The following GPR55 variants were observed in gnomAD, a reference collection of about 807,000 sequenced individuals.
The protein encoded by GPR55 is G-protein coupled receptor 55.
GPR55 carries 6 observed loss-of-function variants against 7.9 expected under a neutral mutation model. That is an observed-to-expected ratio of 0.76 (90% CI 0.41 to 1.49). The LOEUF is 1.49. GPR55 is among the 40% of genes most tolerant of loss of function. The pLI, the probability that GPR55 is intolerant of heterozygous loss-of-function variation, is 0.01. For missense variants in GPR55, 376 were observed against 406.0 expected, an observed-to-expected ratio of 0.93 and a Z score of 0.63; for synonymous variants, 183 against 166.8, an observed-to-expected ratio of 1.10 and a Z score of -0.75.
At chr2:230,945,555 A>G (rs919376033) in intron 1 of GPR55, among the ~76,000 whole-genome samples, 3 of 152,210 alleles carry the variant, frequency 2.0e-5, no homozygotes, top group African/African-American at 7.2e-5. Context: ...GGTGGACGAT[A>G]TTACAGATTC....
rs1313405717 is a variant in GPR55 at position 230,910,143 on chromosome 2, T to A, written c.820A>T (p.Met274Leu). The part of the protein sequence containing the change: ...QSISFFLQLS[M>L]CFSNVNCCLD... ...CAGCAGTTGACGTTGGAGAAACACA[T>A]GGACAATTGCAAGAAGAAGCTGATG... The change falls in exon 2 of 2, where the codon ATG becomes TTG. Residue 274 changes from methionine to leucine, a missense_variant. Coordinates refer to ENST00000650999, the MANE Select transcript of GPR55 (RefSeq NM_005683.4). The surrounding 1 kb of genome is among the most constrained non-coding windows in gnomAD (Gnocchi z 5.4). The A allele has an allele frequency of 6.2e-6, 10 of 1,614,126 alleles. No homozygotes were observed. Among genetic ancestry groups the A allele is most frequent in the Non-Finnish European group, 8.5e-6 (10 of 1,180,012 alleles).
At chr2:230,953,396 G>A (rs1691434451) in intron 1 of GPR55, among the ~76,000 whole-genome samples, 1 of 152,204 alleles carries the variant, frequency 6.6e-6, no homozygotes, top group Non-Finnish European at 1.5e-5. Context: ...GGGATAGGAT[G>A]TGAGAAGGAC....
intron 1 of GPR55, among the ~76,000 whole-genome samples, chr2:230,935,262 G>T (rs933933335): frequency 6.6e-6 from 1 of 152,148 alleles, no homozygotes; most frequent in Non-Finnish European, 1.5e-5. Flanking sequence ...AGGCAGGCAC[G>T]TCTTAGGAAC....
At chr2:230,956,552 T>C (rs1691486564) in intron 1 of GPR55, among the ~76,000 whole-genome samples, 1 of 152,202 alleles carries the variant, frequency 6.6e-6, no homozygotes, top group Non-Finnish European at 1.5e-5. Flanking sequence ...ACTAAATATA[T>C]ATACATTTTT....
chr2:230,947,085 C>T (rs987639657), intron 1 of GPR55, among the ~76,000 whole-genome samples: 9 of 152,326 alleles, frequency 5.9e-5, no homozygotes, highest in Non-Finnish European at 8.8e-5. Context: ...CACAGACCCA[C>T]GCCTTCCATT....
chr2:230,945,035 C>T (rs1691289137), intron 1 of GPR55, among the ~76,000 whole-genome samples: 1 of 152,226 alleles, frequency 6.6e-6, no homozygotes, highest in South Asian at 2.1e-4. Context: ...GGGCTGGGAG[C>T]TGCCTTCCTT....
chr2:230,929,987 A>G (rs1271899298), upstream of GPR55: 1 of 152,302 alleles, frequency 6.6e-6, no homozygotes, highest in Non-Finnish European at 1.5e-5. Flanking sequence ...AAGGGAGCAG[A>G]GTCCTGGGCT....
Position 230,910,599 on chromosome 2 carries a change from C to T in GPR55, c.364G>A (p.Ala122Thr). The T allele has an allele frequency of 3.1e-6, 5 of 1,613,922 alleles. No homozygotes were observed. The highest frequency in any genetic ancestry group is 4.2e-6 in the Non-Finnish European group (5 of 1,179,942). The change falls in exon 2 of 2, where the codon GCC (alanine) becomes ACC (threonine). Residue 122 changes from alanine to threonine, a missense_variant. By Grantham distance (58) the Ala-to-Thr change is moderately conservative. Transcript: ENST00000650999. The surrounding 1 kb of genome is among the most constrained non-coding windows in gnomAD (Gnocchi z 5.4). Reference protein sequence around the residue: ...ICFISMDRFLAIRYPLLVSHL... With the variant: ...ICFISMDRFLTIRYPLLVSHL... The stretch of plus-strand genomic sequence containing the variant: ...CTCACCAGTAGCGGGTAACGGATGG[C>T]CAAGAACCGGTCCATGCTGATGAAG...
intron 1 of GPR55, among the ~76,000 whole-genome samples, chr2:230,920,987 T>C (rs144535317): frequency 6.6e-6 from 1 of 152,104 alleles, no homozygotes; most frequent in Admixed American, 6.5e-5. Context: ...AGTAAAATGA[T>C]AGCATAATCT....
chr2:230,911,808 G>A (rs13429810), intron 1 of GPR55, among the ~76,000 whole-genome samples: 45,004 of 151,964 alleles, frequency 0.3, 9,358 homozygotes, highest in African/African-American at 0.6. Flanking sequence ...GCCTTTTGTC[G>A]GGCAGAAAAT....
In GPR55 at chr2:230,910,675, C is replaced by G; in HGVS notation, c.288G>C (p.Leu96=). The G allele has an allele frequency of 6.2e-7, 1 of 1,612,814 alleles. No homozygotes were observed. The highest frequency in any genetic ancestry group is 8.5e-7 in the Non-Finnish European group (1 of 1,179,008). Residue 96 remains leucine (L), a synonymous_variant, in exon 2 of 2, where the codon CTG becomes CTC. Transcript: ENST00000650999. The surrounding 1 kb of genome is among the most constrained non-coding windows in gnomAD (Gnocchi z 5.4). ...VQSPFPSLCT[L]VECLYFVSMY... ...TGCTGACGAAGTAAAGGCACTCCAC[C>G]AGGGTGCACAGGGACGGGAAGGGGG...
intron 1 of GPR55, among the ~76,000 whole-genome samples, chr2:230,958,564 C>T (rs1292520226): frequency 2.0e-5 from 3 of 152,336 alleles, no homozygotes; most frequent in East Asian, 3.9e-4. Flanking sequence ...ACCACCACCA[C>T]TCCCCTTCCC....
At chr2:230,934,342 TGGTCCCC>T (rs1344812636) in intron 1 of GPR55, among the ~76,000 whole-genome samples, 2 of 152,350 alleles carry the variant, frequency 1.3e-5, no homozygotes, top group African/African-American at 4.8e-5. Context: ...TCCAGGTTTC[TGGTCCCC>T]GGCCTCTCTC....
At chr2:230,943,835 G>A (rs527655728) in intron 1 of GPR55, among the ~76,000 whole-genome samples, 19 of 152,124 alleles carry the variant, frequency 1.2e-4, no homozygotes, top group Non-Finnish European at 2.4e-4. Flanking sequence ...CTTCCTCTTC[G>A]CCTTCTGCCA....
intron 1 of GPR55, among the ~76,000 whole-genome samples, chr2:230,934,837 A>G (rs1866233): frequency 0.43 from 65,079 of 151,856 alleles, 16,686 homozygotes; most frequent in African/African-American, 0.73. Context: ...TTTGGGGATT[A>G]AGCCCTCTCT....
intron 1 of GPR55, among the ~76,000 whole-genome samples, chr2:230,942,293 CCTT>C (rs1691244654): frequency 6.6e-6 from 1 of 152,154 alleles, no homozygotes; most frequent in Admixed American, 6.5e-5. Context: ...TCTTCTGCCT[CCTT>C]CTCCTGCCTC....
chr2:230,915,632 G>A (rs902207469), intron 1 of GPR55, among the ~76,000 whole-genome samples: 11 of 152,200 alleles, frequency 7.2e-5, no homozygotes. Context: ...TCATGCAAAA[G>A]CTATGGAGAG....
At position 230,944,052 on chromosome 2, in the gene GPR55, G is replaced by T. The variant is rs535517566; in HGVS notation, c.-135+16723C>A. On this transcript the variant is annotated intron_variant, in intron 1 of 1. Transcript: ENST00000392039. This position sits in a 1 kb window ranked among gnomAD's most constrained non-coding sequence, Gnocchi z 4.2. Reference sequence around the variant, plus strand: ...GCTGTCCCTCTTCTCCCTGGCCCTAGCCCAGGAGGAGGACCAGCAAGAGTA... The same window carrying T: ...GCTGTCCCTCTTCTCCCTGGCCCTATCCCAGGAGGAGGACCAGCAAGAGTA... 1.6e-4 allele frequency among the ~76,000 whole-genome samples: 25 copies of T among 152,212 alleles called. No homozygotes were observed. The highest frequency in any genetic ancestry group is 3.5e-4 in the Non-Finnish European group (24 of 68,036).
Position 230,924,269 on chromosome 2 carries a change from G to A in GPR55, c.-135+899C>T, listed in dbSNP as rs1434556599. On this transcript the variant is annotated intron_variant, in intron 1 of 1. Coordinates refer to ENST00000650999, the MANE Select transcript of GPR55 (RefSeq NM_005683.4). The surrounding 1 kb of genome is among the most constrained non-coding windows in gnomAD (Gnocchi z 4.5). ...TGACTGGTGCTCCCTTTACAGCTGG[G>A]ACAGCCGCTCAGAACCAAAGGCAAA... 5.3e-5 allele frequency among the ~76,000 whole-genome samples: 8 copies of A among 152,196 alleles called. No individual in the cohort carries two copies. Among genetic ancestry groups the A allele is most frequent in the African/African-American group, 1.9e-4 (8 of 41,450 alleles).
Sources: gnomAD v4.1 joint callset for allele counts (sites outside exome capture counted in the v4.1 genomes callset) on GRCh38, gnomAD v4.1.1 for gene constraint, Gnocchi (gnomAD v3.1) non-coding constraint, MANE v1.5 for transcripts, NCBI Gene and HGNC (gene_info 2026-07-23, HGNC 2026-07-21) for gene names.